The following ROR2 variants were observed in gnomAD, a reference collection of about 807,000 sequenced individuals.
ROR2 encodes ROR family WNT receptor 2, also known as tyrosine-protein kinase transmembrane receptor ROR2.
Under a neutral mutation model 74.9 loss-of-function variants are expected in ROR2, and 33 were observed. The observed-to-expected ratio is 0.44, with a 90% CI of 0.33 to 0.59. The LOEUF is 0.59. ROR2 is among the 20% of genes least tolerant of loss of function. The probability of loss-of-function intolerance (pLI) is 0.02; values close to 1 mark genes in which losing one functional copy is unlikely to be tolerated. For synonymous variants in ROR2, 586 were observed against 558.7 expected (o/e 1.05, Z -0.69); for missense variants, 1,216 against 1,313.8 (o/e 0.93, Z 1.15).
chr9:91,918,894 T>A (rs1831201589), intron 1 of ROR2, among the ~76,000 whole-genome samples: 1 of 152,072 alleles, frequency 6.6e-6, no homozygotes, highest in Non-Finnish European at 1.5e-5. Flanking sequence ...TAAGGCAAAA[T>A]TCAGCAATAA....
In ROR2 at chr9:91,754,104, C is replaced by T. The variant is rs115788479; in HGVS notation, c.494+1967G>A. On this transcript the variant is annotated intron_variant, in intron 4 of 8. Coordinates refer to ENST00000375708, the MANE Select transcript of ROR2 (RefSeq NM_004560.4). ...GGATGGGAGGTCAGGCGGGACTTTC[C>T]GAAACTGCCCCAGTCATTTACATCA... Among the ~76,000 whole-genome samples, 1,135 of 151,858 alleles carry T rather than the reference C, an allele frequency of 7.5e-3. 14 individuals are homozygous for T. Among genetic ancestry groups the T allele is most frequent in the African/African-American group, 0.026 (1,059 of 41,448 alleles).
chr9:91,878,420 G>A (rs1377596563), intron 1 of ROR2, among the ~76,000 whole-genome samples: 2 of 152,126 alleles, frequency 1.3e-5, no homozygotes, highest in East Asian at 3.8e-4. Flanking sequence ...GGCAGAAGTG[G>A]GTTTTTTCTT....
At chr9:91,870,286 T>A (rs1587804925) in intron 1 of ROR2, among the ~76,000 whole-genome samples, 1 of 152,188 alleles carries the variant, frequency 6.6e-6, no homozygotes, top group Non-Finnish European at 1.5e-5. Context: ...ATCCCAACTG[T>A]CCAAAGACTA....
At chr9:91,943,215 C>T (rs534415997) in intron 1 of ROR2, among the ~76,000 whole-genome samples, 25 of 152,206 alleles carry the variant, frequency 1.6e-4, no homozygotes, top group African/African-American at 5.5e-4. Context: ...TCCCTGTCCC[C>T]ATCCCATATT....
rs560952945 is a variant in ROR2 at position 91,833,801 on chromosome 9, C to T, written c.98-57983G>A. On this transcript the variant is annotated intron_variant, in intron 1 of 8. Transcript: ENST00000375708. ...TGCCCCACGCAGCCAAGAGCAGACCCGAGTCCTGCTGCAAGACTCAGCTTG... is the reference window on the plus strand; with the variant it reads ...TGCCCCACGCAGCCAAGAGCAGACCTGAGTCCTGCTGCAAGACTCAGCTTG... 1.6e-4 allele frequency among the ~76,000 whole-genome samples: 24 copies of T among 152,236 alleles called. No individual in the cohort carries two copies. The South Asian group carries it at 4.2e-3, about 26-fold the overall frequency.
chr9:91,770,087 G>A (rs1183011880), intron 2 of ROR2, among the ~76,000 whole-genome samples: 3 of 152,022 alleles, frequency 2.0e-5, no homozygotes, highest in African/African-American at 7.3e-5. Flanking sequence ...TGTTCTATGT[G>A]TCTAGACCCT....
At chr9:91,785,017 A>G (rs1305029605) in intron 1 of ROR2, among the ~76,000 whole-genome samples, 6 of 152,176 alleles carry the variant, frequency 3.9e-5, no homozygotes, top group Non-Finnish European at 8.8e-5. Context: ...AGTACTTTCC[A>G]GCATCTTCCC....
intron 1 of ROR2, among the ~76,000 whole-genome samples, chr9:91,900,506 G>A (rs905499446): frequency 1.1e-4 from 17 of 152,332 alleles, no homozygotes; most frequent in South Asian, 2.1e-4. Flanking sequence ...CGTGGGACCC[G>A]CAGGAAACAA....
intron 1 of ROR2, among the ~76,000 whole-genome samples, chr9:91,940,679 C>T (rs1319046128): frequency 7.2e-6 from 1 of 139,514 alleles, no homozygotes; most frequent in African/African-American, 3.0e-5. Context: ...ACTGTGACCT[C>T]TGCCTCCTGG....
At chr9:91,738,722 G>A (rs1825120177) in intron 4 of ROR2, among the ~76,000 whole-genome samples, 1 of 152,238 alleles carries the variant, frequency 6.6e-6, no homozygotes, top group South Asian at 2.1e-4. Flanking sequence ...CTACGCAGAA[G>A]TGCGACCTGG....
At chr9:91,770,958 A>G (rs1249923330) in intron 2 of ROR2, among the ~76,000 whole-genome samples, 1 of 152,184 alleles carries the variant, frequency 6.6e-6, no homozygotes, top group Non-Finnish European at 1.5e-5. Context: ...ACCAATAGGC[A>G]TGGTCTCCAT....
intron 1 of ROR2, among the ~76,000 whole-genome samples, chr9:91,936,215 T>C (rs1831685138): frequency 3.3e-5 from 5 of 152,144 alleles, no homozygotes; most frequent in Admixed American, 3.3e-4. Context: ...CACTTATGGG[T>C]GGATGCGTGT....
chr9:91,792,547 A>G (rs1253506637), intron 1 of ROR2, among the ~76,000 whole-genome samples: 1 of 152,140 alleles, frequency 6.6e-6, no homozygotes, highest in African/African-American at 2.4e-5. Context: ...TGACCTTGTG[A>G]TCCGCCCACC....
intron 1 of ROR2, among the ~76,000 whole-genome samples, chr9:91,936,961 C>T (rs557054374): frequency 7.4e-6 from 1 of 135,812 alleles, no homozygotes; most frequent in East Asian, 2.2e-4. Flanking sequence ...ACCCGGGAGG[C>T]GGAGCTTGCA....
rs57475950 is a variant in ROR2 at position 91,867,656 on chromosome 9, CTGTGTGTGTG to C, written c.97+82201_97+82210del. Among the ~76,000 whole-genome samples, 201 of 131,376 alleles carry C rather than the reference CTGTGTGTGTG, an allele frequency of 1.5e-3. 1 individual carries two copies. Among genetic ancestry groups the C allele is most frequent in the African/African-American group, 4.4e-3 (152 of 34,826 alleles). The allele number at this position is 131,376 out of a possible 152,430, so 86.2% of individuals were successfully genotyped here. A position where few individuals can be genotyped will look rare whatever the true frequency, so the allele number is the denominator to read the frequency against. ...ACAAGTTCCTGAGACCACCCATGAG[CTGTGTGTGTG>C]TGTGTGTGTGTGTGTGTGTGTGTGT... is the stretch of plus-strand genomic sequence containing the variant. On this transcript the variant is annotated intron_variant, in intron 1 of 8. Transcript: ENST00000375708.
At chr9:91,854,554 C>G (rs1829215851) in intron 1 of ROR2, among the ~76,000 whole-genome samples, 1 of 152,180 alleles carries the variant, frequency 6.6e-6, no homozygotes, top group Admixed American at 6.5e-5. Flanking sequence ...GGAGACTGGC[C>G]TTCCTATTGC....
intron 1 of ROR2, among the ~76,000 whole-genome samples, chr9:91,886,094 C>A (rs6479380): frequency 0.023 from 3,494 of 152,090 alleles, 154 homozygotes; most frequent in African/African-American, 0.08. Context: ...AGGCTCGTCT[C>A]GAACTCCTGA....
At chr9:91,789,174 T>TAC (rs1324202730) in intron 1 of ROR2, among the ~76,000 whole-genome samples, 1 of 152,208 alleles carries the variant, frequency 6.6e-6, no homozygotes, top group Non-Finnish European at 1.5e-5. Flanking sequence ...TTGATTATTA[T>TAC]ACAATGCATA....
At chr9:91,808,015 T>G (rs1341855454) in intron 1 of ROR2, among the ~76,000 whole-genome samples, 1 of 152,156 alleles carries the variant, frequency 6.6e-6, no homozygotes, top group East Asian at 1.9e-4. Flanking sequence ...GTTACTATAA[T>G]TATGTTGTTT....
Sources: allele counts gnomAD v4.1 joint callset (sites outside exome capture counted in the v4.1 genomes callset), GRCh38; gene constraint gnomAD v4.1.1; transcripts MANE v1.5; gene names NCBI Gene and HGNC (gene_info 2026-07-23, HGNC 2026-07-21).